GALNT17: variants seen among roughly 807,000 people sequenced by gnomAD.
The protein encoded by GALNT17 is polypeptide N-acetylgalactosaminyltransferase 17, also known as UDP-GalNAc:polypeptide N-acetylgalactosaminyltransferase-like 3.
A neutral mutation model predicts 63.7 loss-of-function variants in GALNT17; 29 were observed. The observed-to-expected ratio is 0.46, with a 90% CI of 0.34 to 0.62. The LOEUF (loss-of-function observed/expected upper bound fraction) is 0.62. GALNT17 is among the 20% of genes least tolerant of loss of function. The probability of loss-of-function intolerance (pLI) is 0.01; values close to 1 mark genes in which losing one functional copy is unlikely to be tolerated. For missense variants in GALNT17, 603 were observed against 799.6 expected (o/e 0.75, Z 2.97); for synonymous variants, 305 against 318.3 (o/e 0.96, Z 0.45).
intron 1 of GALNT17, among the ~76,000 whole-genome samples, chr7:71,193,672 A>G (rs1788994706): frequency 6.6e-6 from 1 of 151,868 alleles, no homozygotes; most frequent in Non-Finnish European, 1.5e-5. Context: ...TGGGGGGAAG[A>G]TTGAGAAAAT....
intron 2 of GALNT17, among the ~76,000 whole-genome samples, chr7:71,385,925 G>C (rs1792934669): frequency 6.6e-6 from 1 of 152,326 alleles, no homozygotes; most frequent in South Asian, 2.1e-4. Context: ...AAATTGGCCA[G>C]GTGTGGCAGC....
At chr7:71,325,417 G>T (rs1182972484) in intron 1 of GALNT17, among the ~76,000 whole-genome samples, 1 of 152,188 alleles carries the variant, frequency 6.6e-6, no homozygotes, top group Non-Finnish European at 1.5e-5. Flanking sequence ...CTGCTGAGAT[G>T]ATGAGGAGCT....
At chr7:71,335,257 G>C (rs551104808) in intron 1 of GALNT17, among the ~76,000 whole-genome samples, 1 of 152,014 alleles carries the variant, frequency 6.6e-6, no homozygotes, top group South Asian at 2.1e-4. Context: ...TCAGCCTCTC[G>C]AGTAGCTGGG....
chr7:71,688,401 A>G (rs1791393770), intron 9 of GALNT17, among the ~76,000 whole-genome samples: 1 of 152,132 alleles, frequency 6.6e-6, no homozygotes, highest in South Asian at 2.1e-4. Flanking sequence ...CTCTCTTTGC[A>G]GACCTCCATG....
chr7:71,592,168 A>G (rs1183149711), intron 6 of GALNT17, among the ~76,000 whole-genome samples: 1 of 152,084 alleles, frequency 6.6e-6, no homozygotes. Context: ...GGAAGGAATC[A>G]AGGCTGGAGT....
chr7:71,614,294 T>C (rs959890659), intron 6 of GALNT17, among the ~76,000 whole-genome samples: 1 of 150,628 alleles, frequency 6.6e-6, no homozygotes, highest in South Asian at 2.1e-4. Flanking sequence ...AGCACAGATA[T>C]GACTCAAAGA....
intron 1 of GALNT17, among the ~76,000 whole-genome samples, chr7:71,214,208 A>G (rs1789432645): frequency 6.6e-6 from 1 of 152,182 alleles, no homozygotes; most frequent in African/African-American, 2.4e-5. Context: ...AGAGGTGTGC[A>G]CTATGAATAG....
intron 1 of GALNT17, among the ~76,000 whole-genome samples, chr7:71,328,645 G>C (rs1362070991): frequency 2.4e-5 from 3 of 125,536 alleles, no homozygotes; most frequent in Non-Finnish European, 5.2e-5. Flanking sequence ...TAAAATACCA[G>C]TGATTTTTTT....
intron 6 of GALNT17, among the ~76,000 whole-genome samples, chr7:71,612,935 A>C (rs2116955512): frequency 6.6e-6 from 1 of 152,336 alleles, no homozygotes; most frequent in East Asian, 1.9e-4. Context: ...TTTCTGAGCC[A>C]GCCAAGATAC....
At chr7:71,708,299 C>T (rs187351079) in intron 9 of GALNT17, among the ~76,000 whole-genome samples, 137 of 152,124 alleles carry the variant, frequency 9.0e-4, no homozygotes, top group Admixed American at 1.6e-3. Flanking sequence ...TGTTGGAAGG[C>T]GAGGGAGGAG....
chr7:71,212,219 AAAGGG>A (rs1789393886), intron 1 of GALNT17, among the ~76,000 whole-genome samples: 1 of 152,212 alleles, frequency 6.6e-6, no homozygotes, highest in Non-Finnish European at 1.5e-5. Flanking sequence ...GCCTTGGCTG[AAAGGG>A]GCCAACATAC....
At chr7:71,154,940 A>G (rs1190756949) in intron 1 of GALNT17, among the ~76,000 whole-genome samples, 2 of 151,866 alleles carry the variant, frequency 1.3e-5, no homozygotes, top group Non-Finnish European at 2.9e-5. Context: ...GATTTTATAT[A>G]TAAAAGTGGG....
chr7:71,648,383 G>A (rs544641756), intron 6 of GALNT17, among the ~76,000 whole-genome samples: 144 of 151,532 alleles, frequency 9.5e-4, no homozygotes, highest in Non-Finnish European at 1.9e-3. Context: ...CAATTCTCCC[G>A]CGTCAGCCTC....
chr7:71,646,439 G>C (rs545338895), intron 6 of GALNT17, among the ~76,000 whole-genome samples: 2 of 152,124 alleles, frequency 1.3e-5, no homozygotes, highest in Admixed American at 1.3e-4. Flanking sequence ...GGGACTCAGC[G>C]TGTTTCTATC....
At chr7:71,517,914 A>C (rs768370295) in intron 5 of GALNT17, among the ~76,000 whole-genome samples, 61 of 152,208 alleles carry the variant, frequency 4.0e-4, no homozygotes, top group Non-Finnish European at 1.2e-4. Context: ...GGACCACTGC[A>C]GGTGCAAATG....
At chr7:71,279,185 C>A (rs1395074161) in intron 1 of GALNT17, among the ~76,000 whole-genome samples, 1 of 151,738 alleles carries the variant, frequency 6.6e-6, no homozygotes, top group Non-Finnish European at 1.5e-5. Context: ...GGCCTCCCAA[C>A]CCTCTGTGTA....
chr7:71,519,628 T>C (rs1041444524), intron 5 of GALNT17, among the ~76,000 whole-genome samples: 2 of 152,248 alleles, frequency 1.3e-5, no homozygotes, highest in East Asian at 1.9e-4. Context: ...CACGCCCAGG[T>C]AATTTTTGCA....
chr7:71,312,940 T>C (rs1349174531), intron 1 of GALNT17, among the ~76,000 whole-genome samples: 1 of 152,040 alleles, frequency 6.6e-6, no homozygotes, highest in African/African-American at 2.4e-5. Flanking sequence ...CAAGACCCCA[T>C]CACTAAAATA....
rs528786485 is a variant in GALNT17, at chr7:71,518,389, G to T, written c.963-52896G>T. Among the ~76,000 whole-genome samples, 178 of 152,204 alleles carry T rather than the reference G, an allele frequency of 1.2e-3. 2 individuals are homozygous for T. The highest frequency in any genetic ancestry group is 4.1e-3 in the African/African-American group (169 of 41,532). Reference sequence around the variant, plus strand: ...GGATCCAGGATCTAATCTGAAAATTGCTTTCCCCAAGGAACTCTGGATGGC... The same window carrying T: ...GGATCCAGGATCTAATCTGAAAATTTCTTTCCCCAAGGAACTCTGGATGGC... On this transcript the variant is annotated intron_variant, in intron 5 of 10. Transcript: ENST00000333538.
Sources: gnomAD v4.1 joint callset for allele counts (sites outside exome capture counted in the v4.1 genomes callset) on GRCh38, gnomAD v4.1.1 for gene constraint, MANE v1.5 for transcripts, NCBI Gene and HGNC (gene_info 2026-07-23, HGNC 2026-07-21) for gene names.